The following NAV1 variants were observed in gnomAD, a reference collection of about 807,000 sequenced individuals.
The protein encoded by NAV1 is pore membrane and/or filament interacting like protein 3.
In NAV1, 18 loss-of-function variants were observed where a neutral mutation model predicts 175.2. That is an observed-to-expected ratio of 0.10 (90% CI 0.07 to 0.15). The LOEUF is 0.15. Ranked by LOEUF, NAV1 falls within the 10% of genes least tolerant of loss-of-function variation. NAV1 has a pLI of 1.00. For missense variants in NAV1, 1,731 were observed against 2,436.6 expected (o/e 0.71, Z 6.10); for synonymous variants, 897 against 978.7 (o/e 0.92, Z 1.56).
exon 30 of NAV1, chr1:201,819,961 C>A (rs1679293095): frequency 4.4e-6 from 7 of 1,600,080 alleles, no homozygotes; most frequent in Non-Finnish European, 5.1e-6. Flanking sequence ...CACCCCCGGA[C>A]AGCAGAACGC....
chr1:201,622,941 C>T, exon 1 of NAV1: 1 of 986,526 alleles, frequency 1.0e-6, no homozygotes, highest in Non-Finnish European at 1.2e-6. Context: ...CCTCCGCCAT[C>T]CCGGTGCCTC....
rs534414241 is a variant in NAV1, at chr1:201,660,939, A to G, written c.757+11514A>G. On this transcript the variant is annotated intron_variant, in intron 1 of 29. Coordinates refer to ENST00000367296, the Ensembl canonical transcript of NAV1. ...AAAAAGCACCTATTTGACTACTGTA[A>G]GGAAGTGTTTCATATTTTTTAGCAA... Among the ~76,000 whole-genome samples the G allele has an allele frequency of 2.0e-5, 3 of 152,284 alleles. No homozygotes were observed. In the South Asian group the frequency reaches 6.2e-4, roughly 32 times the overall value.
At chr1:201,649,012 T>A in exon 1 of NAV1, 3 of 1,613,448 alleles carry the variant, frequency 1.9e-6, no homozygotes, top group Non-Finnish European at 2.5e-6. Flanking sequence ...AGCGACGATA[T>A]GGCCAAGGCG....
intron 2 of NAV1, among the ~76,000 whole-genome samples, chr1:201,713,795 G>A (rs1327935447): frequency 6.6e-6 from 1 of 152,202 alleles, no homozygotes; most frequent in Non-Finnish European, 1.5e-5. Context: ...AACTCCTGGG[G>A]CTGGAAAATT....
At chr1:201,644,500 C>T (rs1355930510), upstream of NAV1, among the ~76,000 whole-genome samples, 2 of 152,204 alleles carry the variant, frequency 1.3e-5, no homozygotes, top group Admixed American at 1.3e-4. Context: ...GTGTCAGAAA[C>T]TTCCTGGATG....
rs143860508 is a variant in NAV1, at chr1:201,612,570, A to G, written c.-32-10283A>G. 4.8e-3 allele frequency among the ~76,000 whole-genome samples: 732 copies of G among 152,336 alleles called. 6 individuals are homozygous for G. Among genetic ancestry groups the G allele is most frequent in the African/African-American group, 0.016 (666 of 41,566 alleles). ...GGTGTCTGGTGAAGGCCTGTTCCCC[A>G]TAGATGGTGACATCTGTGTGTCCTC... On this transcript the variant is annotated intron_variant, in intron 2 of 33. Transcript: ENST00000685211.
At chr1:201,682,599 G>C (rs1239842738) in intron 1 of NAV1, among the ~76,000 whole-genome samples, 1 of 152,138 alleles carries the variant, frequency 6.6e-6, no homozygotes, top group South Asian at 2.1e-4. Flanking sequence ...AACCAAATCT[G>C]TGCATAGTCA....
chr1:201,759,084 G>A (rs968312069), intron 3 of NAV1, among the ~76,000 whole-genome samples: 1 of 152,114 alleles, frequency 6.6e-6, no homozygotes, highest in Non-Finnish European at 1.5e-5. Context: ...TGAACATATG[G>A]TAACTATTGT....
At chr1:201,762,769 A>G (rs1674946287) in intron 3 of NAV1, among the ~76,000 whole-genome samples, 1 of 152,236 alleles carries the variant, frequency 6.6e-6, no homozygotes, top group South Asian at 2.1e-4. Flanking sequence ...TGGTTTAGAG[A>G]AGGTGCAGAA....
At position 201,782,893 on chromosome 1, in the gene NAV1, C is replaced by T; in HGVS notation, c.2357+24C>T. On this transcript the variant is annotated intron_variant, in intron 6 of 29. Coordinates refer to ENST00000367296, the Ensembl canonical transcript of NAV1. The surrounding 1 kb of genome is among the most constrained non-coding windows in gnomAD (Gnocchi z 5.4). ...AGGTACCCAATGTGGGCAGCCGCCTCCTTGTCTGTTTGCTTTGTCATTCTT... is the reference window on the plus strand; with the variant it reads ...AGGTACCCAATGTGGGCAGCCGCCTTCTTGTCTGTTTGCTTTGTCATTCTT... 1 of 1,534,054 alleles carries T rather than the reference C, an allele frequency of 6.5e-7. No individual in the cohort carries two copies. The highest frequency in any genetic ancestry group is 1.9e-4 in the Middle Eastern group (1 of 5,386).
At chr1:201,589,495 G>GTTTTT (rs1667129001) in intron 2 of NAV1, among the ~76,000 whole-genome samples, 2 of 151,874 alleles carry the variant, frequency 1.3e-5, no homozygotes, top group African/African-American at 2.4e-5. Context: ...TTTTTGTTTT[G>GTTTTT]TTTTTCGTTT....
intron 3 of NAV1, among the ~76,000 whole-genome samples, chr1:201,753,946 G>A (rs925170940): frequency 1.3e-5 from 2 of 152,182 alleles, no homozygotes; most frequent in African/African-American, 4.8e-5. Context: ...CATTCTGATG[G>A]CAGATGACTA....
chr1:201,611,852 A>G (rs1667855032), intron 2 of NAV1, among the ~76,000 whole-genome samples: 1 of 152,200 alleles, frequency 6.6e-6, no homozygotes, highest in Admixed American at 6.5e-5. Flanking sequence ...GGCGAGGGAC[A>G]GCAAGGGACA....
intron 1 of NAV1, among the ~76,000 whole-genome samples, chr1:201,542,641 A>G (rs71635548): frequency 0.051 from 7,734 of 152,116 alleles, 258 homozygotes; most frequent in Non-Finnish European, 0.079. Context: ...GATGGCTGAG[A>G]CCCAGGCCAC....
intron 2 of NAV1, among the ~76,000 whole-genome samples, chr1:201,642,700 C>CTTTCTT (rs772174971): frequency 1.1e-4 from 16 of 139,770 alleles, no homozygotes; most frequent in African/African-American, 3.9e-4. Context: ...TTTCTTCTCT[C>CTTTCTT]TCTTTCTTTC....
At chr1:201,768,694 A>G (rs1675372430) in intron 3 of NAV1, among the ~76,000 whole-genome samples, 1 of 152,102 alleles carries the variant, frequency 6.6e-6, no homozygotes, top group Non-Finnish European at 1.5e-5. Flanking sequence ...TTTTGTAGCA[A>G]ACAAGTGCTA....
At chr1:201,783,990 C>A in intron 7 of NAV1, 138 bp downstream of exon 11, 1 of 727,216 alleles carries the variant, frequency 1.4e-6, no homozygotes, top group Non-Finnish European at 2.2e-6. Flanking sequence ...ATTTAATTTG[C>A]TTCACAACAA....
Position 201,539,999 on chromosome 1 carries a change from G to C in NAV1, c.-144+657G>C, listed in dbSNP as rs762135663. Among the ~76,000 whole-genome samples the C allele has an allele frequency of 6.6e-6, 1 of 152,228 alleles. No individual in the cohort carries two copies. The highest frequency in any genetic ancestry group is 1.5e-5 in the Non-Finnish European group (1 of 68,052). ...GGGAGAGAGGAGAACGCAGAAATTG[G>C]GTGATCACGGGGAGCTCACCTGAGC... On this transcript the variant is annotated intron_variant, in intron 1 of 33. Transcript: ENST00000685211. The surrounding 1 kb of genome is among the most constrained non-coding windows in gnomAD (Gnocchi z 5.6).
chr1:201,765,625 G>A (rs957080091), intron 3 of NAV1, among the ~76,000 whole-genome samples: 6 of 151,938 alleles, frequency 3.9e-5, no homozygotes, highest in Non-Finnish European at 7.4e-5. Context: ...GAACTCCTAA[G>A]CTCAGGCGAT....
Sources: gnomAD v4.1 joint callset for allele counts (sites outside exome capture counted in the v4.1 genomes callset) on GRCh38, gnomAD v4.1.1 for gene constraint, Gnocchi (gnomAD v3.1) non-coding constraint, MANE v1.5 for transcripts, NCBI Gene and HGNC (gene_info 2026-07-23, HGNC 2026-07-21) for gene names.